The following SUMF1 variants were observed in gnomAD, a reference collection of about 807,000 sequenced individuals.
SUMF1 encodes sulfatase modifying factor 1.
SUMF1 carries 48 observed loss-of-function variants against 47.6 expected under a neutral mutation model. The ratio of observed to expected loss-of-function variants is 1.01; its 90% CI spans 0.80 to 1.28. The LOEUF (loss-of-function observed/expected upper bound fraction) is 1.28, where lower values mean the gene tolerates loss of function less well. Among genes scored for constraint, SUMF1 ranks in the 50% most tolerant of loss-of-function variants. The pLI is 0.00. For missense variants in SUMF1, 571 were observed against 485.4 expected, an observed-to-expected ratio of 1.18 and a Z score of -1.66; for synonymous variants, 230 against 192.1, an observed-to-expected ratio of 1.20 and a Z score of -1.63.
chr3:4,163,667 T>C (rs1386856918), intron 8 of SUMF1, among the ~76,000 whole-genome samples: 1 of 151,566 alleles, frequency 6.6e-6, no homozygotes, highest in Non-Finnish European at 1.5e-5. Context: ...AGTGCCATGC[T>C]CAAGGTCTAG....
chr3:4,134,402 G>C (rs957476660), intron 8 of SUMF1, among the ~76,000 whole-genome samples: 14 of 152,120 alleles, frequency 9.2e-5, no homozygotes, highest in Admixed American at 2.0e-4. Context: ...CAGAAATAAA[G>C]ATGTTCTTTG....
intron 8 of SUMF1, chr3:4,229,460 T>G (rs1696249736): frequency 4.2e-6 from 1 of 239,506 alleles, no homozygotes; most frequent in South Asian, 4.6e-5. Context: ...CCAGGTAATT[T>G]GAGAAAAACT....
chr3:4,095,451 C>A (rs1179568630), intron 8 of SUMF1, among the ~76,000 whole-genome samples: 1 of 151,842 alleles, frequency 6.6e-6, no homozygotes, highest in African/African-American at 2.4e-5. Flanking sequence ...CCTAATGTCT[C>A]TTTTTTTTGT....
At chr3:4,292,469 C>T (rs1559658549) in intron 8 of SUMF1, among the ~76,000 whole-genome samples, 1 of 152,094 alleles carries the variant, frequency 6.6e-6, no homozygotes, top group Non-Finnish European at 1.5e-5. Flanking sequence ...TTTCAACTAA[C>T]CTAAAGGCAG....
chr3:4,116,045 A>G (rs1693417259), intron 8 of SUMF1, among the ~76,000 whole-genome samples: 1 of 152,108 alleles, frequency 6.6e-6, no homozygotes, highest in Admixed American at 6.5e-5. Context: ...TACACTTTTC[A>G]ACATGTCTCC....
intron 3 of SUMF1, among the ~76,000 whole-genome samples, chr3:4,421,919 T>C (rs17705822): frequency 0.018 from 2,732 of 152,350 alleles, 27 homozygotes; most frequent in African/African-American, 0.025. Flanking sequence ...AATATGTCCC[T>C]GCTAACAATT....
At chr3:4,079,634 T>C (rs1574864268) in intron 8 of SUMF1, among the ~76,000 whole-genome samples, 1 of 151,316 alleles carries the variant, frequency 6.6e-6, no homozygotes, top group Non-Finnish European at 1.5e-5. Context: ...ATCTACCTGA[T>C]AGGTTGGTTG....
chr3:4,272,573 C>A (rs11920554), intron 8 of SUMF1, among the ~76,000 whole-genome samples: 3,833 of 152,204 alleles, frequency 0.025, 156 homozygotes, highest in African/African-American at 0.087. Flanking sequence ...GAGGAGCAGA[C>A]CTTTCAGACC....
At chr3:4,419,979 A>T in intron 4 of SUMF1, 85 bp downstream of exon 4, 1 of 1,012,876 alleles carries the variant, frequency 9.9e-7, no homozygotes, top group Admixed American at 1.8e-5. Flanking sequence ...ATAGATGAAG[A>T]TGCCCACTGA....
intron 8 of SUMF1, among the ~76,000 whole-genome samples, chr3:4,111,488 G>C (rs1219178674): frequency 7.9e-5 from 12 of 152,094 alleles, no homozygotes; most frequent in Non-Finnish European, 1.5e-4. Context: ...GGGAGGCCAA[G>C]GCGGGTGGAT....
intron 8 of SUMF1, among the ~76,000 whole-genome samples, chr3:4,192,773 A>C (rs1452510118): frequency 6.6e-6 from 1 of 152,138 alleles, no homozygotes; most frequent in Non-Finnish European, 1.5e-5. Context: ...GACTGAGTTC[A>C]ATCATGTGAC....
chr3:4,300,624 GTTTCTCCC>G, intron 8 of SUMF1, among the ~76,000 whole-genome samples: 1 of 152,298 alleles, frequency 6.6e-6, no homozygotes, highest in East Asian at 1.9e-4. Flanking sequence ...AGTGCAAAGA[GTTTCTCCC>G]TTCTGGGATA....
chr3:4,301,053 T>C (rs1013035540), intron 8 of SUMF1, among the ~76,000 whole-genome samples: 11 of 152,182 alleles, frequency 7.2e-5, no homozygotes, highest in African/African-American at 2.7e-4. Flanking sequence ...TAAGATGGTT[T>C]TGCCTGTGCT....
At chr3:4,215,791 T>C (rs1193186362) in intron 8 of SUMF1, among the ~76,000 whole-genome samples, 2 of 152,052 alleles carry the variant, frequency 1.3e-5, no homozygotes, top group Admixed American at 1.3e-4. Context: ...CCGTTCACAA[T>C]TGCTACTAAG....
At chr3:4,211,263 A>C (rs556452607) in intron 8 of SUMF1, among the ~76,000 whole-genome samples, 49 of 137,332 alleles carry the variant, frequency 3.6e-4, no homozygotes, top group Non-Finnish European at 7.0e-4. Context: ...ACCCTGACTA[A>C]TATACCCAGG....
intron 8 of SUMF1, among the ~76,000 whole-genome samples, chr3:4,123,914 T>C (rs150478304): frequency 1.2e-4 from 19 of 152,280 alleles, no homozygotes; most frequent in Non-Finnish European, 2.2e-4. Flanking sequence ...CGACAATGGC[T>C]GATCCGTGTG....
chr3:4,178,646 T>C (rs1057486014), intron 8 of SUMF1, among the ~76,000 whole-genome samples: 7 of 152,134 alleles, frequency 4.6e-5, no homozygotes, highest in Non-Finnish European at 1.0e-4. Context: ...AGGGCTGCGC[T>C]CTCTCACCAC....
At chr3:4,443,678 T>A (rs1046286320) in intron 3 of SUMF1, among the ~76,000 whole-genome samples, 2 of 151,824 alleles carry the variant, frequency 1.3e-5, no homozygotes, top group Non-Finnish European at 2.9e-5. Context: ...GGTGGGAGCA[T>A]CACTTCAGCC....
chr3:4,346,622 G>C (rs1447593211), intron 8 of SUMF1, among the ~76,000 whole-genome samples: 3 of 151,964 alleles, frequency 2.0e-5, no homozygotes, highest in Admixed American at 6.6e-5. Flanking sequence ...AAAAGAGCTA[G>C]AGAGGCAAGA....
Sources: gnomAD v4.1 joint callset for allele counts (sites outside exome capture counted in the v4.1 genomes callset) on GRCh38, gnomAD v4.1.1 for gene constraint, MANE v1.5 for transcripts, NCBI Gene and HGNC (gene_info 2026-07-23, HGNC 2026-07-21) for gene names.